The following RELN variants were observed in gnomAD, a reference collection of about 807,000 sequenced individuals.
The protein encoded by RELN is reelin.
RELN carries 108 observed loss-of-function variants against 427.6 expected under a neutral mutation model. That is an observed-to-expected ratio of 0.25 (90% CI 0.22 to 0.30). The LOEUF is 0.30. RELN is among the 10% of genes least tolerant of loss of function. RELN has a pLI of 1.00. For synonymous variants in RELN, 1,524 were observed against 1,513.4 expected, an observed-to-expected ratio of 1.01 and a Z score of -0.16; for missense variants, 3,715 against 4,302.8, an observed-to-expected ratio of 0.86 and a Z score of 3.82.
At position 103,658,803 on chromosome 7, in the gene RELN, ATC is replaced by A. The variant is rs140889823; in HGVS notation, c.1441+2571_1441+2572del. On this transcript the variant is annotated intron_variant, in intron 12 of 64. Transcript: ENST00000428762. The stretch of plus-strand genomic sequence containing the variant: ...GGCCTCTCAGCCCTTATCCTGGTTG[ATC>A]TCTCTCTCTCTCTCTCTCTGGCATT... Among the ~76,000 whole-genome samples, 191 of 144,354 alleles carry A rather than the reference ATC, an allele frequency of 1.3e-3. 1 individual carries two copies. The highest frequency in any genetic ancestry group is 3.7e-3 in the Middle Eastern group (1 of 272). The allele number at this position is 144,354 out of a possible 152,430, so 94.7% of individuals were successfully genotyped here.
At chr7:103,847,750 T>A (rs1014253003) in intron 2 of RELN, among the ~76,000 whole-genome samples, 1 of 152,170 alleles carries the variant, frequency 6.6e-6, no homozygotes, top group African/African-American at 2.4e-5. Context: ...CTCTCCTACA[T>A]GGCTTGTATT....
rs540111252 is a variant in RELN at position 103,651,736 on chromosome 7, G to A, written c.1817C>T (p.Thr606Ile). 8.7e-6 allele frequency: 14 copies of A among 1,611,842 alleles called. No individual in the cohort carries two copies. The Admixed American group carries it at 1.8e-4, about 21-fold the overall frequency. The change falls in exon 15 of 65, where the codon ACT becomes ATT. Residue 606 changes from threonine to isoleucine, a missense_variant. Coordinates refer to ENST00000428762, the MANE Select transcript of RELN (RefSeq NM_005045.4). ...NHGRSWSLLH[T>I]ECLPEICAGP... The stretch of plus-strand genomic sequence containing the variant: ...AGCACAGATCTCAGGTAAGCATTCA[G>A]TGTGAAGGAGGGACCAGGAGCGCCC...
chr7:103,494,085 T>C (rs1828752917), intron 57 of RELN, among the ~76,000 whole-genome samples: 1 of 152,050 alleles, frequency 6.6e-6, no homozygotes, highest in Admixed American at 6.6e-5. Context: ...ATCTTCACTC[T>C]TAAGGAACAG....
intron 3 of RELN, among the ~76,000 whole-genome samples, chr7:103,777,537 T>C (rs1278644246): frequency 6.6e-6 from 1 of 152,198 alleles, no homozygotes; most frequent in Non-Finnish European, 1.5e-5. Context: ...TGAAGATGGA[T>C]TATGTACAAG....
At chr7:103,835,327 T>C (rs956312865) in intron 2 of RELN, among the ~76,000 whole-genome samples, 1 of 152,264 alleles carries the variant, frequency 6.6e-6, no homozygotes, top group East Asian at 1.9e-4. Context: ...CACAGAGGAT[T>C]CTTAAGGGAA....
chr7:103,552,519 T>G (rs1242429380), intron 40 of RELN, among the ~76,000 whole-genome samples: 1 of 150,722 alleles, frequency 6.6e-6, no homozygotes, highest in African/African-American at 2.4e-5. Context: ...TTTTTTTTTT[T>G]TGGAGATGGA....
In RELN at chr7:103,604,436, T is replaced by A; in HGVS notation, c.3056A>T (p.Gln1019Leu). Residue 1019 changes from glutamine (Q) to leucine (L), a missense_variant, in exon 23 of 65, where the codon CAA (glutamine) becomes CTA (leucine). Gln to Leu is a moderately radical substitution (Grantham distance 113). This residue lies in a region of RELN where 2,208 missense variants were observed against 2,361.7 expected (regional missense o/e 0.93). Transcript: ENST00000428762. ...FRWSQSYYTA[Q>L]DEWALDSIYI... is the part of the protein sequence containing the mutation. ...AATGCTGTCCAAAGCCCACTCGTCTTGAGCTGTGTAATAGCTCTGGCTCCA... is the reference window on the plus strand; with the variant it reads ...AATGCTGTCCAAAGCCCACTCGTCTAGAGCTGTGTAATAGCTCTGGCTCCA... 6.2e-7 allele frequency: 1 copy of A among 1,613,960 alleles called. No homozygotes were observed. The highest frequency in any genetic ancestry group is 8.5e-7 in the Non-Finnish European group (1 of 1,179,876).
rs6958081 is a variant in RELN at position 103,651,378 on chromosome 7, C to T, written c.1892+283G>A. On this transcript the variant is annotated intron_variant, in intron 15 of 64. Transcript: ENST00000428762. The stretch of plus-strand genomic sequence containing the variant: ...CTATGCTGCATTTCTCTATAAGTAG[C>T]GTGGCAATAACCACAGAACTGCCAT... 0.38 allele frequency among the ~76,000 whole-genome samples: 57,272 copies of T among 151,818 alleles called. 10,838 individuals carry two copies. The highest frequency in any genetic ancestry group is 0.43 in the South Asian group (2,085 of 4,810).
chr7:103,601,501 G>C (rs1471273576), intron 24 of RELN, among the ~76,000 whole-genome samples: 2 of 152,010 alleles, frequency 1.3e-5, no homozygotes, highest in Non-Finnish European at 2.9e-5. Context: ...CAACATATCA[G>C]CCCTGTAGCA....
intron 22 of RELN, among the ~76,000 whole-genome samples, chr7:103,609,566 C>T (rs1029759293): frequency 3.3e-5 from 5 of 152,088 alleles, no homozygotes; most frequent in African/African-American, 1.2e-4. Context: ...CAGTTGGAAA[C>T]AGAAAAATCT....
At chr7:103,739,000 T>C (rs949032949) in intron 6 of RELN, among the ~76,000 whole-genome samples, 5 of 152,128 alleles carry the variant, frequency 3.3e-5, no homozygotes, top group Non-Finnish European at 5.9e-5. Context: ...TTCATTCAAC[T>C]TAAAATTTTT....
rs1828850599 is a variant in RELN at position 103,496,661 on chromosome 7, G to A, written c.9058C>T (p.Arg3020Cys). 3 of 1,614,052 alleles carry A rather than the reference G, an allele frequency of 1.9e-6. No homozygotes were observed. The highest frequency in any genetic ancestry group is 2.2e-5 in the South Asian group (2 of 91,092). The change falls in exon 56 of 65, where the codon CGC becomes TGC. Residue 3020 changes from arginine (R) to cysteine (C), a missense_variant. Physicochemically the swap from Arg to Cys is radical, Grantham distance 180. Transcript: ENST00000428762. ...EDALTNTTRL[R>C]WWQPFVISNG... Reference sequence around the variant, plus strand: ...CTGATCACAAAAGGCTGCCACCAGCGAAGTCGAGTTGTGTTGGTGAGGGCA... The same window carrying A: ...CTGATCACAAAAGGCTGCCACCAGCAAAGTCGAGTTGTGTTGGTGAGGGCA...
At chr7:103,546,162 C>G (rs548416944) in intron 41 of RELN, among the ~76,000 whole-genome samples, 25 of 152,296 alleles carry the variant, frequency 1.6e-4, no homozygotes, top group Non-Finnish European at 3.2e-4. Context: ...ATCTCTCCCT[C>G]CCTGACAACT....
intron 2 of RELN, among the ~76,000 whole-genome samples, chr7:103,900,940 G>A (rs1050846633): frequency 6.6e-6 from 1 of 150,690 alleles, no homozygotes; most frequent in African/African-American, 2.4e-5. Context: ...GGGCAAAGAT[G>A]TAAATAGATG....
At chr7:103,804,903 G>A (rs929749109) in intron 3 of RELN, among the ~76,000 whole-genome samples, 15 of 152,038 alleles carry the variant, frequency 9.9e-5, no homozygotes, top group Admixed American at 5.9e-4. Context: ...TTTAATGTGG[G>A]GAAGTAAACA....
intron 1 of RELN, among the ~76,000 whole-genome samples, chr7:103,939,766 T>G (rs1022011703): frequency 6.0e-4 from 91 of 152,242 alleles, no homozygotes; most frequent in Non-Finnish European, 1.0e-3. Context: ...GTTATATTAA[T>G]TATTGTACAA....
At chr7:103,608,935 C>G (rs1466807908) in intron 22 of RELN, among the ~76,000 whole-genome samples, 3 of 151,988 alleles carry the variant, frequency 2.0e-5, no homozygotes, top group Admixed American at 1.3e-4. Flanking sequence ...CTAAAATATA[C>G]TATTAGGCTA....
intron 5 of RELN, among the ~76,000 whole-genome samples, chr7:103,750,268 G>A (rs926232922): frequency 3.9e-5 from 6 of 152,150 alleles, no homozygotes; most frequent in South Asian, 2.1e-4. Context: ...GTGAGCCACT[G>A]TGCCCAGCTG....
chr7:103,959,660 G>A (rs1796506633), intron 1 of RELN, among the ~76,000 whole-genome samples: 2 of 152,026 alleles, frequency 1.3e-5, no homozygotes, highest in African/African-American at 4.8e-5. Flanking sequence ...ATCCAGGCTG[G>A]AGTGCAGTAG....
Sources: allele counts gnomAD v4.1 joint callset (sites outside exome capture counted in the v4.1 genomes callset), GRCh38; gene constraint gnomAD v4.1.1; regional missense constraint gnomAD v4.1.1; transcripts MANE v1.5; gene names NCBI Gene and HGNC (gene_info 2026-07-23, HGNC 2026-07-21).